CRPPA: variants seen among roughly 807,000 people sequenced by gnomAD.
CRPPA encodes the protein CDP-L-ribitol pyrophosphorylase A, also known as D-ribitol-5-phosphate cytidylyltransferase.
CRPPA carries 43 observed loss-of-function variants against 52.0 expected under a neutral mutation model. The ratio of observed to expected loss-of-function variants is 0.83; its 90% confidence interval spans 0.65 to 1.07. CRPPA has a LOEUF of 1.07. Among genes scored for constraint, CRPPA ranks in the 50% least tolerant of loss-of-function variants. CRPPA has a pLI of 0.00. For missense variants in CRPPA, 629 were observed against 551.7 expected, an observed-to-expected ratio of 1.14 and a Z score of -1.40; for synonymous variants, 250 against 203.5, an observed-to-expected ratio of 1.23 and a Z score of -1.94.
At chr7:16,241,137 G>A (rs1783095560) in intron 8 of CRPPA, among the ~76,000 whole-genome samples, 1 of 152,100 alleles carries the variant, frequency 6.6e-6, no homozygotes, top group African/African-American at 2.4e-5. Context: ...ATTTACATCT[G>A]TGACAGTTTC....
At chr7:16,297,749 T>G (rs866970388) in intron 5 of CRPPA, among the ~76,000 whole-genome samples, 3 of 152,180 alleles carry the variant, frequency 2.0e-5, no homozygotes, top group Non-Finnish European at 2.9e-5. Flanking sequence ...GCATAAACAT[T>G]TATGCATCTT....
intron 9 of CRPPA, among the ~76,000 whole-genome samples, chr7:16,185,880 G>A (rs993685352): frequency 5.9e-5 from 9 of 152,068 alleles, no homozygotes; most frequent in African/African-American, 1.4e-4. Flanking sequence ...GTAAAAGAAC[G>A]TTTACCTAAG....
intron 9 of CRPPA, among the ~76,000 whole-genome samples, chr7:16,112,946 T>C (rs1782296933): frequency 6.6e-6 from 1 of 151,986 alleles, no homozygotes; most frequent in Admixed American, 6.6e-5. Flanking sequence ...AATGCATTCA[T>C]AATAAAAATC....
chr7:16,332,179 G>A (rs993070897), intron 3 of CRPPA, among the ~76,000 whole-genome samples: 4 of 152,078 alleles, frequency 2.6e-5, no homozygotes, highest in South Asian at 2.1e-4. Context: ...GGGAAGGGAC[G>A]AATACCTACC....
Position 16,341,739 on chromosome 7 carries a change from C to T in CRPPA, c.685-33112G>A, listed in dbSNP as rs146809931. 3.9e-3 allele frequency among the ~76,000 whole-genome samples: 601 copies of T among 152,210 alleles called. 2 individuals are homozygous for T. Among genetic ancestry groups the T allele is most frequent in the Middle Eastern group, 6.8e-3 (2 of 294 alleles). On this transcript the variant is annotated intron_variant, in intron 3 of 9. Transcript: ENST00000407010. ...TCTACCACTTCCCAAATATATTTTA[C>T]AATAAGACTTATCTCAACAATGAAT...
At chr7:16,224,312 C>T (rs1782595127) in intron 8 of CRPPA, among the ~76,000 whole-genome samples, 2 of 152,076 alleles carry the variant, frequency 1.3e-5, no homozygotes, top group African/African-American at 2.4e-5. Context: ...AGAACGGATA[C>T]ATTAATTAAA....
At chr7:16,398,777 A>C (rs985015840) in intron 2 of CRPPA, among the ~76,000 whole-genome samples, 2 of 152,202 alleles carry the variant, frequency 1.3e-5, no homozygotes, top group African/African-American at 4.8e-5. Context: ...TACGTGACTG[A>C]CACTTGACTG....
intron 9 of CRPPA, among the ~76,000 whole-genome samples, chr7:16,146,898 G>A (rs73291886): frequency 0.013 from 1,991 of 152,280 alleles, 44 homozygotes; most frequent in African/African-American, 0.046. Flanking sequence ...AATTGCAGTA[G>A]TAAGTTCCTA....
At chr7:16,286,060 T>TAGAATATTTAAAAAAAAA (rs1562608487) in intron 5 of CRPPA, among the ~76,000 whole-genome samples, 1 of 34,674 alleles carries the variant, frequency 2.9e-5, no homozygotes, top group African/African-American at 1.9e-4. Context: ...TATATATATA[T>TAGAATATTTAAAAAAAAA]ATATATATAT....
rs1583345317 is a variant in CRPPA at position 16,087,900 on chromosome 7, A to G, written c.*3795T>C. On this transcript the variant is annotated 3_prime_UTR_variant, in exon 10 of 10. Coordinates refer to ENST00000407010, the MANE Select transcript of CRPPA (RefSeq NM_001101426.4). Reference sequence around the variant, plus strand: ...AACATTAAAACAAAGTCAAATTTACAGATTTTAAGACATTCTGTAATTTGA... The same window carrying G: ...AACATTAAAACAAAGTCAAATTTACGGATTTTAAGACATTCTGTAATTTGA... 1 of 152,324 alleles carries G rather than the reference A, an allele frequency of 6.6e-6. No homozygotes were observed. The highest frequency in any genetic ancestry group is 6.5e-5 in the Admixed American group (1 of 15,304). The allele number at this position is 152,324 out of a possible 1,614,324, so 9.4% of individuals were successfully genotyped here.
At chr7:16,117,979 T>C (rs992588107) in intron 9 of CRPPA, among the ~76,000 whole-genome samples, 5 of 152,206 alleles carry the variant, frequency 3.3e-5, no homozygotes, top group African/African-American at 4.8e-5. Context: ...AGTGTCAAGA[T>C]GGTAAGAAGC....
At chr7:16,158,208 T>C (rs1783227765) in intron 9 of CRPPA, among the ~76,000 whole-genome samples, 1 of 152,072 alleles carries the variant, frequency 6.6e-6, no homozygotes, top group African/African-American at 2.4e-5. Flanking sequence ...CTGTTCATTC[T>C]TTACATCCCA....
rs543294413 is a variant in CRPPA, at chr7:16,399,841, CAT to C, written c.534+6218_534+6219del. On this transcript the variant is annotated intron_variant, in intron 2 of 9. Transcript: ENST00000407010. The stretch of plus-strand genomic sequence containing the variant: ...CGTCACGTGATCAGCACGTGTGGCA[CAT>C]GACAGACACCTGATTGACACATGAC... Among the ~76,000 whole-genome samples, 33 of 152,248 alleles carry C rather than the reference CAT, an allele frequency of 2.2e-4. No individual in the cohort carries two copies. The South Asian group carries it at 5.4e-3, about 25-fold the overall frequency.
intron 2 of CRPPA, among the ~76,000 whole-genome samples, chr7:16,399,650 TCAA>T (rs1312318043): frequency 2.0e-5 from 3 of 151,406 alleles, no homozygotes; most frequent in Non-Finnish European, 4.4e-5. Flanking sequence ...CGACATGTAA[TCAA>T]CGTGTGACAC....
intron 8 of CRPPA, among the ~76,000 whole-genome samples, chr7:16,229,491 A>T (rs939879407): frequency 6.6e-6 from 1 of 151,996 alleles, no homozygotes; most frequent in African/African-American, 2.4e-5. Flanking sequence ...AACCACATTA[A>T]ATTGTTTTAA....
At chr7:16,325,268 A>G (rs1263370095) in intron 3 of CRPPA, among the ~76,000 whole-genome samples, 2 of 152,192 alleles carry the variant, frequency 1.3e-5, no homozygotes, top group Non-Finnish European at 2.9e-5. Flanking sequence ...CTGGAGAACG[A>G]TGGAAACTAA....
chr7:16,402,998 T>C (rs901082436), intron 2 of CRPPA, among the ~76,000 whole-genome samples: 3 of 151,882 alleles, frequency 2.0e-5, no homozygotes, highest in East Asian at 1.9e-4. Context: ...AAACAACACA[T>C]AGGAAAAATA....
intron 2 of CRPPA, among the ~76,000 whole-genome samples, chr7:16,389,453 T>C (rs1183454331): frequency 6.7e-6 from 1 of 148,822 alleles, no homozygotes; most frequent in African/African-American, 2.5e-5. Flanking sequence ...CGGTTCAACA[T>C]ATCAAAAAAA....
chr7:16,389,924 A>ATATAT (rs1169753280), intron 2 of CRPPA, among the ~76,000 whole-genome samples: 625 of 62,256 alleles, frequency 0.01, 1 homozygote, highest in Non-Finnish European at 0.012. Context: ...AAAAAAAAAA[A>ATATAT]AAAAATATAT....
Sources: allele counts gnomAD v4.1 joint callset (sites outside exome capture counted in the v4.1 genomes callset), GRCh38; gene constraint gnomAD v4.1.1; transcripts MANE v1.5; gene names NCBI Gene and HGNC (gene_info 2026-07-23, HGNC 2026-07-21).